The following RNF133 variants were observed in gnomAD, a reference collection of about 807,000 sequenced individuals.
The protein encoded by RNF133 is E3 ubiquitin-protein ligase RNF133.
For missense variants in RNF133, 469 were observed against 450.5 expected (o/e 1.04, Z -0.37); for synonymous variants, 153 against 152.1 (o/e 1.01, Z -0.04).
Position 122,698,672 on chromosome 7 carries a change from G to T in RNF133, c.247C>A (p.Gln83Lys), listed in dbSNP as rs376509948. Residue 83 changes from glutamine to lysine, a missense_variant, in exon 1 of 1, where the codon CAA (glutamine) becomes AAA (lysine). Coordinates refer to ENST00000340112, the MANE Select transcript of RNF133 (RefSeq NM_139175.2). ...GVIVPPEGKI[Q>K]NACNPNTIFS... ...ATGGTATTGGGATTACATGCATTTT[G>T]GATTTTTCCCTCTGGTGGCACTATA... 28 of 1,613,820 alleles carry T rather than the reference G, an allele frequency of 1.7e-5. No homozygotes were observed. The highest frequency in any genetic ancestry group is 2.4e-5 in the Non-Finnish European group (28 of 1,179,930).
Position 122,698,246 on chromosome 7 carries a change from G to A in RNF133, c.673C>T (p.Arg225Ter), listed in dbSNP as rs150520039. Residue 225 changes from arginine to a stop codon, truncating the protein, a stop_gained, in exon 1 of 1, where the codon CGA becomes TGA. Transcript: ENST00000340112. LOFTEE classifies it low-confidence loss of function (END_TRUNC). ...LARIQNRRWQRLTTDLQNTFG... is the reference protein window; with the variant it reads ...LARIQNRRWQ ...GTGTTCTGAAGATCTGTTGTTAATC[G>A]CTGCCATCTCCGGTTCTGAATCCTT... 335 of 1,613,566 alleles carry A rather than the reference G, an allele frequency of 2.1e-4. No homozygotes were observed. The highest frequency in any genetic ancestry group is 2.6e-4 in the Non-Finnish European group (312 of 1,179,712).
rs771548782 is a variant in RNF133 at position 122,698,740 on chromosome 7, CCA to C, written c.177_178del (p.Gly60SerfsTer27). On this transcript the variant is annotated frameshift_variant, in exon 1 of 1. Coordinates refer to ENST00000340112, the MANE Select transcript of RNF133 (RefSeq NM_139175.2). LOFTEE classifies it low-confidence loss of function (END_TRUNC). The stretch of plus-strand genomic sequence containing the variant: ...CAAAGTGGAGCTTCTTCCAAAGACT[CCA>C]GTCTCTCCCAACTCTGACAACACAT... 1 of 1,613,802 alleles carries C rather than the reference CCA, an allele frequency of 6.2e-7. No homozygotes were observed. Among genetic ancestry groups the C allele is most frequent in the Non-Finnish European group, 8.5e-7 (1 of 1,179,820 alleles).
At position 122,699,015 on chromosome 7, in the gene RNF133, C is replaced by A. The variant is rs1458398295; in HGVS notation, c.-97G>T. 2 of 833,542 alleles carry A rather than the reference C, an allele frequency of 2.4e-6. No individual in the cohort carries two copies. Among genetic ancestry groups the A allele is most frequent in the African/African-American group, 3.4e-5 (2 of 58,316 alleles). 51.6% of individuals were successfully genotyped at this position (833,542 alleles called of 1,614,324 possible). On this transcript the variant is annotated 5_prime_UTR_variant, in exon 1 of 1. Transcript: ENST00000340112. ...CGAAGAGAAAAAAATCTTCAGGATA[C>A]AAACAAGATCCACTGTCTTCCAGCA...
rs1334353028 is a variant in RNF133, at chr7:122,698,025, A to T, written c.894T>A (p.Cys298Ter). 4 of 1,613,342 alleles carry T rather than the reference A, an allele frequency of 2.5e-6. No individual in the cohort carries two copies. In the East Asian group the frequency reaches 6.7e-5, roughly 27 times the overall value. The change falls in exon 1 of 1, where the codon TGT becomes TGA. Residue 298 changes from cysteine (C) to a stop codon, truncating the protein, a stop_gained. Transcript: ENST00000340112. LOFTEE classifies it low-confidence loss of function (END_TRUNC). ...GAATCCCCAAAACTTTAAGAATATCACATTTGCAAATGGGGCATGTCCCAT... is the reference window on the plus strand; with the variant it reads ...GAATCCCCAAAACTTTAAGAATATCTCATTTGCAAATGGGGCATGTCCCAT... ...LPHGTCPICK[C>*]DILKVLGIQV... is the part of the protein sequence containing the mutation.
chr7:122,698,548 G>T lies in RNF133; in HGVS notation c.371C>A (p.Ala124Asp), dbSNP rs2085509452. The T allele has an allele frequency of 6.2e-7, 1 of 1,613,968 alleles. No individual in the cohort carries two copies. The highest frequency in any genetic ancestry group is 1.3e-5 in the African/African-American group (1 of 75,012). The stretch of plus-strand genomic sequence containing the variant: ...AACGTTATAGATGATCACTCCACTG[G>T]CTCCCTTCTCAGTTGCCACTTTAAT... ...QKIKVATEKG[A>D]SGVIIYNVPG... The change falls in exon 1 of 1, where the codon GCC becomes GAC. Residue 124 changes from alanine to aspartate, a missense_variant. Ala to Asp is a moderately radical substitution (Grantham distance 126). Transcript: ENST00000340112.
rs2085519677 is a variant in RNF133, at chr7:122,698,598, C to G, written c.321G>C (p.Arg107=). Residue 107 remains arginine (R), a synonymous_variant, in exon 1 of 1, where the codon CGG becomes CGC. Transcript: ENST00000340112. ...YSETWLALIE[R]GGCTFTQKIK... ...TTTTCTGTGTGAAGGTACAACCTCC[C>G]CGTTCAATAAGTGCAAGCCAGGTCT... The G allele has an allele frequency of 1.2e-6, 2 of 1,613,976 alleles. No homozygotes were observed. Among genetic ancestry groups the G allele is most frequent in the African/African-American group, 1.3e-5 (1 of 75,034 alleles).
rs779390367 is a variant in RNF133 at position 122,697,830 on chromosome 7, G to T, written c.1089C>A (p.Ile363=). Residue 363 remains isoleucine (I), a synonymous_variant, in exon 1 of 1, where the codon ATC becomes ATA. Coordinates refer to ENST00000340112, the MANE Select transcript of RNF133 (RefSeq NM_139175.2). ...EENPTSQNND[I]QPHSVVEDVH... Reference sequence around the variant, plus strand: ...CATCTTCCACTACTGAATGAGGCTGGATGTCATTATTCTGAGAAGTAGGGT... The same window carrying T: ...CATCTTCCACTACTGAATGAGGCTGTATGTCATTATTCTGAGAAGTAGGGT... The T allele has an allele frequency of 1.2e-6, 2 of 1,606,620 alleles. No homozygotes were observed. The highest frequency in any genetic ancestry group is 1.7e-6 in the Non-Finnish European group (2 of 1,177,232).
In RNF133 at chr7:122,697,875, T is replaced by C. The variant is rs2085363852; in HGVS notation, c.1044A>G (p.Lys348=). ...TAGGGTTCTCCTCCACATGGATTAC[T>C]TTATCTGAGGTTCCTGCAGGAGAAA... is the stretch of plus-strand genomic sequence containing the variant. ...NEVSPAGTSD[K]VIHVEENPTS... The change falls in exon 1 of 1, where the codon AAA becomes AAG. Residue 348 remains lysine, a synonymous_variant. Coordinates refer to ENST00000340112, the MANE Select transcript of RNF133 (RefSeq NM_139175.2). 6.2e-7 allele frequency: 1 copy of C among 1,613,304 alleles called. No individual in the cohort carries two copies. The highest frequency in any genetic ancestry group is 8.5e-7 in the Non-Finnish European group (1 of 1,179,428).
At position 122,698,463 on chromosome 7, in the gene RNF133, CACA is replaced by C. The variant is rs777076821; in HGVS notation, c.453_455del (p.Val153del). 10 of 1,613,742 alleles carry C rather than the reference CACA, an allele frequency of 6.2e-6. No homozygotes were observed. In the East Asian group the frequency reaches 1.1e-4, roughly 18 times the overall value. ...TGCCTTTTAAGTTACCAATCATAAC[CACA>C]ACGACATCTTCAAATGCCTGATGAA... On this transcript the variant is annotated inframe_deletion, in exon 1 of 1. Coordinates refer to ENST00000340112, the MANE Select transcript of RNF133 (RefSeq NM_139175.2).
chr7:122,698,150 C>G lies in RNF133; in HGVS notation c.769G>C (p.Val257Leu), dbSNP rs776447412. ...EEINPNGDSCVICFERYKPND... is the reference protein window; with the variant it reads ...EEINPNGDSCLICFERYKPND... Reference sequence around the variant, plus strand: ...GGCTTATAGCGTTCAAAGCAAATTACGCAGCTATCCCCATTTGGATTTATT... The same window carrying G: ...GGCTTATAGCGTTCAAAGCAAATTAGGCAGCTATCCCCATTTGGATTTATT... The change falls in exon 1 of 1, where the codon GTA becomes CTA. Residue 257 changes from valine (V) to leucine (L), a missense_variant. Val to Leu is a conservative substitution (Grantham distance 32, BLOSUM62 1). Transcript: ENST00000340112. 9.9e-6 allele frequency: 16 copies of G among 1,613,724 alleles called. No homozygotes were observed. The highest frequency in any genetic ancestry group is 2.7e-5 in the African/African-American group (2 of 74,918).
At position 122,698,112 on chromosome 7, in the gene RNF133, A is replaced by G. The variant is rs1277682878; in HGVS notation, c.807T>C (p.Val269=). Residue 269 remains valine, a synonymous_variant, in exon 1 of 1, where the codon GTT becomes GTC. Transcript: ENST00000340112. ...AAAAATGTTTACAAGTCAGAATACG[A>G]ACTATGTCATTAGGCTTATAGCGTT... ...CFERYKPNDI[V]RILTCKHFFH... The G allele has an allele frequency of 1.2e-6, 2 of 1,614,054 alleles. No homozygotes were observed. Among genetic ancestry groups the G allele is most frequent in the South Asian group, 1.1e-5 (1 of 91,082 alleles).
In RNF133 at chr7:122,698,092, T is replaced by G. The variant is rs976191920; in HGVS notation, c.827A>C (p.His276Pro). The change falls in exon 1 of 1, where the codon CAT (histidine) becomes CCT (proline). Residue 276 changes from histidine (H) to proline (P), a missense_variant. Physicochemically the swap from His to Pro is moderately conservative, Grantham distance 77. Coordinates refer to ENST00000340112, the MANE Select transcript of RNF133 (RefSeq NM_139175.2). ...GTCAATGCAATTCTTGTGGAAAAAA[T>G]GTTTACAAGTCAGAATACGAACTAT... is the stretch of plus-strand genomic sequence containing the variant. ...NDIVRILTCK[H>P]FFHKNCIDPW... 3.1e-6 allele frequency: 5 copies of G among 1,613,858 alleles called. No homozygotes were observed. The East Asian group carries it at 6.7e-5, about 22-fold the overall frequency.
Position 122,698,468 on chromosome 7 carries a change from C to G in RNF133, c.451G>C (p.Val151Leu), listed in dbSNP as rs372734431. ...PMFHQAFEDV[V>L]VVMIGNLKGT... is the part of the protein sequence containing the mutation. Reference sequence around the variant, plus strand: ...TTTAAGTTACCAATCATAACCACAACGACATCTTCAAATGCCTGATGAAAC... The same window carrying G: ...TTTAAGTTACCAATCATAACCACAAGGACATCTTCAAATGCCTGATGAAAC... The change falls in exon 1 of 1, where the codon GTT (valine) becomes CTT (leucine). Residue 151 changes from valine to leucine, a missense_variant. Transcript: ENST00000340112. 64 of 1,613,688 alleles carry G rather than the reference C, an allele frequency of 4.0e-5. No homozygotes were observed. The Middle Eastern group carries it at 6.6e-4, about 17-fold the overall frequency.
At position 122,697,826 on chromosome 7, in the gene RNF133, G is replaced by A; in HGVS notation, c.1093C>T (p.Pro365Ser). Residue 365 changes from proline to serine, a missense_variant, in exon 1 of 1, where the codon CCT (proline) becomes TCT (serine). Physicochemically the swap from Pro to Ser is moderately conservative, Grantham distance 74. Coordinates refer to ENST00000340112, the MANE Select transcript of RNF133 (RefSeq NM_139175.2). ...NPTSQNNDIQ[P>S]HSVVEDVHPS... Reference sequence around the variant, plus strand: ...TGAACATCTTCCACTACTGAATGAGGCTGGATGTCATTATTCTGAGAAGTA... The same window carrying A: ...TGAACATCTTCCACTACTGAATGAGACTGGATGTCATTATTCTGAGAAGTA... 1 of 1,605,544 alleles carries A rather than the reference G, an allele frequency of 6.2e-7. No individual in the cohort carries two copies. Among genetic ancestry groups the A allele is most frequent in the Non-Finnish European group, 8.5e-7 (1 of 1,176,698 alleles).
chr7:122,699,014 A>G lies in RNF133; in HGVS notation c.-96T>C, dbSNP rs1320683812. The G allele has an allele frequency of 4.6e-6, 4 of 862,834 alleles. No individual in the cohort carries two copies. The highest frequency in any genetic ancestry group is 7.1e-6 in the Non-Finnish European group (4 of 563,082). 53.4% of individuals were successfully genotyped at this position (862,834 alleles called of 1,614,324 possible). A position where few individuals can be genotyped will look rare whatever the true frequency, so the allele number is the denominator to read the frequency against. ...ACGAAGAGAAAAAAATCTTCAGGAT[A>G]CAAACAAGATCCACTGTCTTCCAGC... On this transcript the variant is annotated 5_prime_UTR_variant, in exon 1 of 1. Transcript: ENST00000340112.
Position 122,698,187 on chromosome 7 carries a change from C to G in RNF133, c.732G>C (p.Glu244Asp). 6.2e-7 allele frequency: 1 copy of G among 1,613,878 alleles called. No homozygotes were observed. The highest frequency in any genetic ancestry group is 8.5e-7 in the Non-Finnish European group (1 of 1,179,830). Residue 244 changes from glutamate to aspartate, a missense_variant, in exon 1 of 1, where the codon GAG (glutamate) becomes GAC (aspartate). Glu to Asp is a conservative substitution (Grantham distance 45). Coordinates refer to ENST00000340112, the MANE Select transcript of RNF133 (RefSeq NM_139175.2). ...FGQLQLRVVKEGDEEINPNGD... is the reference protein window; with the variant it reads ...FGQLQLRVVKDGDEEINPNGD... ...CATTTGGATTTATTTCTTCATCCCC[C>G]TCTTTTACTACTCGAAGTTGGAGTT...
Position 122,698,084 on chromosome 7 carries a change from G to A in RNF133, c.835C>T (p.His279Tyr), listed in dbSNP as rs1391580241. Residue 279 changes from histidine (H) to tyrosine (Y), a missense_variant, in exon 1 of 1, where the codon CAC becomes TAC. Physicochemically the swap from His to Tyr is moderately conservative, Grantham distance 83. Transcript: ENST00000340112. ...VRILTCKHFF[H>Y]KNCIDPWILP... ...ATCCAGGGGTCAATGCAATTCTTGT[G>A]GAAAAAATGTTTACAAGTCAGAATA... is the stretch of plus-strand genomic sequence containing the variant. The A allele has an allele frequency of 1.9e-6, 3 of 1,613,840 alleles. No homozygotes were observed. The highest frequency in any genetic ancestry group is 1.3e-5 in the African/African-American group (1 of 74,920).
chr7:122,697,869 G>T lies in RNF133; in HGVS notation c.1050C>A (p.Ile350=), dbSNP rs1156454556. 14 of 1,613,102 alleles carry T rather than the reference G, an allele frequency of 8.7e-6. No individual in the cohort carries two copies. Among genetic ancestry groups the T allele is most frequent in the Non-Finnish European group, 1.2e-5 (14 of 1,179,198 alleles). Residue 350 remains isoleucine, a synonymous_variant, in exon 1 of 1, where the codon ATC becomes ATA. Transcript: ENST00000340112. ...GAGAAGTAGGGTTCTCCTCCACATG[G>T]ATTACTTTATCTGAGGTTCCTGCAG... is the stretch of plus-strand genomic sequence containing the variant. The part of the protein sequence containing the change: ...VSPAGTSDKV[I]HVEENPTSQN...
Position 122,697,977 on chromosome 7 carries a change from T to C in RNF133, c.942A>G (p.Thr314=). 1 of 1,613,670 alleles carries C rather than the reference T, an allele frequency of 6.2e-7. No individual in the cohort carries two copies. Among genetic ancestry groups the C allele is most frequent in the Non-Finnish European group, 8.5e-7 (1 of 1,179,796 alleles). ...LGIQVVVENG[T]EPLQVLMSNE... is the part of the protein sequence containing the mutation. ...TTGACATTAGAACTTGCAAAGGTTC[T>C]GTTCCATTTTCAACAACCACTTGAA... Residue 314 remains threonine (T), a synonymous_variant, in exon 1 of 1, where the codon ACA becomes ACG. Coordinates refer to ENST00000340112, the MANE Select transcript of RNF133 (RefSeq NM_139175.2).
Sources: gnomAD v4.1 joint callset for allele counts on GRCh38, gnomAD v4.1.1 for gene constraint, MANE v1.5 for transcripts, NCBI Gene and HGNC (gene_info 2026-07-23, HGNC 2026-07-21) for gene names.